CSMD1: variants seen among roughly 807,000 people sequenced by gnomAD.
The protein encoded by CSMD1 is CUB and sushi domain-containing protein 1.
A neutral mutation model predicts 417.5 loss-of-function variants in CSMD1; 213 were observed. The observed-to-expected ratio is 0.51, with a 90% CI of 0.46 to 0.57. The LOEUF (loss-of-function observed/expected upper bound fraction) is 0.57. CSMD1 is among the 20% of genes least tolerant of loss of function. The pLI, the probability that CSMD1 is intolerant of heterozygous loss-of-function variation, is 0.00. For missense variants in CSMD1, 6,923 were observed against 4,529.7 expected, an observed-to-expected ratio of 1.53 and a Z score of -15.17; for synonymous variants, 2,862 against 1,736.8, an observed-to-expected ratio of 1.65 and a Z score of -16.11.
chr8:4,546,891 T>C (rs1797662627), intron 2 of CSMD1, among the ~76,000 whole-genome samples: 1 of 152,148 alleles, frequency 6.6e-6, no homozygotes, highest in Non-Finnish European at 1.5e-5. Flanking sequence ...GTTGTCTCTC[T>C]CTGGAGATCC....
intron 10 of CSMD1, among the ~76,000 whole-genome samples, chr8:3,555,371 G>C (rs1012143782): frequency 2.1e-4 from 32 of 152,100 alleles, no homozygotes; most frequent in African/African-American, 7.5e-4. Context: ...CATTGATGAT[G>C]ACAGTCTGAA....
intron 10 of CSMD1, among the ~76,000 whole-genome samples, chr8:3,495,573 G>A (rs1300685305): frequency 1.3e-5 from 2 of 152,310 alleles, no homozygotes; most frequent in African/African-American, 2.4e-5. Context: ...ACTCCACGCT[G>A]CTGATGCTCA....
At chr8:4,305,760 C>T (rs567065470) in intron 3 of CSMD1, among the ~76,000 whole-genome samples, 1 of 152,116 alleles carries the variant, frequency 6.6e-6, no homozygotes, top group East Asian at 1.9e-4. Context: ...CACTACTGAT[C>T]TGTATTTTAA....
chr8:3,415,547 T>C lies in CSMD1; in HGVS notation c.1562-5942A>G, dbSNP rs574199387. Among the ~76,000 whole-genome samples, 10 of 152,288 alleles carry C rather than the reference T, an allele frequency of 6.6e-5. No homozygotes were observed. The East Asian group carries it at 1.9e-3, about 29-fold the overall frequency. ...TAATTTTTGTATTTTTTAGCAGCGA[T>C]GGAGTTTCACCATGTTGGCCACGCT... On this transcript the variant is annotated intron_variant, in intron 12 of 69. Transcript: ENST00000635120.
At chr8:3,205,482 A>C (rs762929135) in intron 31 of CSMD1, 22 bp downstream of exon 31, 2 of 1,175,082 alleles carry the variant, frequency 1.7e-6, no homozygotes, top group South Asian at 2.7e-5. Flanking sequence ...ACAATGAATT[A>C]AAAATACAAG....
intron 41 of CSMD1, among the ~76,000 whole-genome samples, chr8:3,132,060 T>C (rs570172371): frequency 6.6e-6 from 1 of 152,246 alleles, no homozygotes; most frequent in South Asian, 2.1e-4. Flanking sequence ...ACCTCTAGTG[T>C]AAGCCAGGGT....
chr8:4,451,956 A>G (rs115510134), intron 2 of CSMD1, among the ~76,000 whole-genome samples: 19,777 of 148,432 alleles, frequency 0.13, 1,419 homozygotes, highest in South Asian at 0.22. Flanking sequence ...TATATAATAT[A>G]TAAATATATA....
intron 17 of CSMD1, among the ~76,000 whole-genome samples, chr8:3,394,016 A>AAAT (rs1811521320): frequency 6.3e-5 from 4 of 63,240 alleles, no homozygotes; most frequent in South Asian, 6.6e-4. Context: ...AATAAATTAT[A>AAAT]TATATATATA....
chr8:3,290,945 G>C (rs1394572471), intron 25 of CSMD1, among the ~76,000 whole-genome samples: 1 of 152,078 alleles, frequency 6.6e-6, no homozygotes, highest in African/African-American at 2.4e-5. Flanking sequence ...CATTCAGTAT[G>C]ATATTGGCTG....
chr8:4,903,276 T>C (rs1805017478), intron 1 of CSMD1, among the ~76,000 whole-genome samples: 1 of 152,216 alleles, frequency 6.6e-6, no homozygotes, highest in South Asian at 2.1e-4. Context: ...CTGGAGTGAA[T>C]TACAGCTGAC....
chr8:4,715,154 C>G (rs1808572883), intron 1 of CSMD1, among the ~76,000 whole-genome samples: 1 of 152,108 alleles, frequency 6.6e-6, no homozygotes, highest in African/African-American at 2.4e-5. Context: ...TATAAACTAA[C>G]TATGCTTTAG....
At chr8:3,656,663 C>G (rs1037149527) in intron 7 of CSMD1, among the ~76,000 whole-genome samples, 8 of 152,176 alleles carry the variant, frequency 5.3e-5, no homozygotes, top group African/African-American at 1.7e-4. Context: ...CGTGGTGGCT[C>G]ACGCCTGTAA....
At chr8:3,818,162 A>T (rs6995769) in intron 5 of CSMD1, among the ~76,000 whole-genome samples, 109,456 of 151,696 alleles carry the variant, frequency 0.72, 39,602 homozygotes, top group East Asian at 0.79. Context: ...CTCCTCTGAC[A>T]CTCATAGGAT....
chr8:3,461,523 G>A (rs968799865), intron 12 of CSMD1, among the ~76,000 whole-genome samples: 4 of 152,124 alleles, frequency 2.6e-5, no homozygotes, highest in East Asian at 1.9e-4. Context: ...TCTGCTCCCC[G>A]ATCTCTCAAA....
intron 26 of CSMD1, among the ~76,000 whole-genome samples, chr8:3,274,702 T>C (rs1802141240): frequency 6.6e-6 from 1 of 152,218 alleles, no homozygotes; most frequent in Non-Finnish European, 1.5e-5. Context: ...TTGTCTCTTT[T>C]GATCTTTGTT....
At chr8:4,471,391 T>C (rs1413706407) in intron 2 of CSMD1, among the ~76,000 whole-genome samples, 2 of 152,152 alleles carry the variant, frequency 1.3e-5, no homozygotes, top group Non-Finnish European at 2.9e-5. Context: ...TTTACTATTT[T>C]GACAAGGTTC....
intron 3 of CSMD1, among the ~76,000 whole-genome samples, chr8:4,363,730 T>G (rs996958256): frequency 6.6e-6 from 1 of 152,204 alleles, no homozygotes; most frequent in African/African-American, 2.4e-5. Context: ...TCCACCCATG[T>G]TGTTGCAAAA....
chr8:4,602,237 T>C (rs936154563), intron 2 of CSMD1, among the ~76,000 whole-genome samples: 1 of 152,054 alleles, frequency 6.6e-6, no homozygotes, highest in South Asian at 2.1e-4. Flanking sequence ...TTGATGTTGT[T>C]GGGAGTTATT....
intron 3 of CSMD1, among the ~76,000 whole-genome samples, chr8:4,064,727 C>A (rs765692255): frequency 6.6e-6 from 1 of 152,206 alleles, no homozygotes; most frequent in Non-Finnish European, 1.5e-5. Flanking sequence ...CCGTACTCAA[C>A]CTTCACAACC....
Sources: gnomAD v4.1 joint callset for allele counts (sites outside exome capture counted in the v4.1 genomes callset) on GRCh38, gnomAD v4.1.1 for gene constraint, MANE v1.5 for transcripts, NCBI Gene and HGNC (gene_info 2026-07-23, HGNC 2026-07-21) for gene names.